PDE6A: variants seen among roughly 807,000 people sequenced by gnomAD.
PDE6A encodes the protein phosphodiesterase 6A.
In PDE6A, 84 loss-of-function variants were observed where a neutral mutation model predicts 106.3. That is an observed-to-expected ratio of 0.79 (90% confidence interval 0.66 to 0.95). The LOEUF (loss-of-function observed/expected upper bound fraction) is 0.95, where lower values mean the gene tolerates loss of function less well. Among genes scored for constraint, PDE6A ranks in the 40% least tolerant of loss-of-function variants. PDE6A has a pLI of 0.00. For synonymous variants in PDE6A, 394 were observed against 386.6 expected, an observed-to-expected ratio of 1.02 and a Z score of -0.23; for missense variants, 1,052 against 1,084.9, an observed-to-expected ratio of 0.97 and a Z score of 0.43.
intron 13 of PDE6A, among the ~76,000 whole-genome samples, chr5:149,894,068 G>A (rs1379162196): frequency 1.3e-5 from 2 of 152,168 alleles, no homozygotes; most frequent in Non-Finnish European, 2.9e-5. Context: ...ATACATTAGA[G>A]GGAAATCTTG....
intron 7 of PDE6A, among the ~76,000 whole-genome samples, chr5:149,906,542 C>T (rs1753197306): frequency 4.5e-5 from 2 of 44,638 alleles, no homozygotes; most frequent in Admixed American, 1.9e-4. Flanking sequence ...AAAAAAATCC[C>T]ACCTTTTAGA....
intron 8 of PDE6A, among the ~76,000 whole-genome samples, chr5:149,903,147 T>TAAAAAAAAAAAAAAAAA (rs373566897): frequency 6.6e-5 from 6 of 90,986 alleles, no homozygotes; most frequent in Non-Finnish European, 1.0e-4. Context: ...AGACCCTCTC[T>TAAAAAAAAAAAAAAAAA]AAAAAAAAAA....
intron 4 of PDE6A, among the ~76,000 whole-genome samples, chr5:149,924,408 AATAG>A (rs966484877): frequency 6.6e-6 from 1 of 150,720 alleles, no homozygotes; most frequent in African/African-American, 2.4e-5. Context: ...AATATTTAGA[AATAG>A]ATATATATAT....
intron 20 of PDE6A, 61 bp downstream of exon 20, chr5:149,866,109 G>T (rs2113502902): frequency 8.3e-7 from 1 of 1,199,682 alleles, no homozygotes; most frequent in Non-Finnish European, 1.2e-6. Flanking sequence ...TCCTGCTGTT[G>T]TCTGGAAATC....
At chr5:149,882,066 A>G in intron 17 of PDE6A, among the ~76,000 whole-genome samples, 1 of 139,808 alleles carries the variant, frequency 7.2e-6, no homozygotes, top group Non-Finnish European at 1.6e-5. Flanking sequence ...AAATAAATAA[A>G]TAAATAAATA....
chr5:149,931,740 C>T (rs560712951), intron 3 of PDE6A, among the ~76,000 whole-genome samples: 28 of 152,308 alleles, frequency 1.8e-4, no homozygotes, highest in Middle Eastern at 3.4e-3. Flanking sequence ...TAAATCAATT[C>T]TCTACAGACT....
intron 6 of PDE6A, among the ~76,000 whole-genome samples, chr5:149,910,444 T>C (rs989889356): frequency 5.9e-5 from 9 of 152,246 alleles, no homozygotes; most frequent in African/African-American, 2.2e-4. Flanking sequence ...TTATCACTTG[T>C]AATTTTTACT....
chr5:149,899,405 G>C lies in PDE6A; in HGVS notation c.1233C>G (p.Pro411=). The C allele has an allele frequency of 1.2e-6, 2 of 1,614,096 alleles. No homozygotes were observed. The highest frequency in any genetic ancestry group is 2.2e-5 in the South Asian group (2 of 91,078). Residue 411 remains proline (P), a synonymous_variant, in exon 9 of 22, where the codon CCC becomes CCG. Transcript: ENST00000255266. ...ATFYNRKDGK[P]FDEMDETLME... ...TGAGCGTCTCATCCATTTCATCAAA[G>C]GGCTTCCCATCTTTACGATTGTAAA...
chr5:149,930,956 C>T (rs1048579533), intron 4 of PDE6A, 72 bp downstream of exon 4: 9 of 1,488,240 alleles, frequency 6.0e-6, no homozygotes, highest in Non-Finnish European at 8.4e-6. Context: ...TGAATGTGTG[C>T]CAAGACTCTA....
At chr5:149,889,643 T>C (rs2113567441) in intron 13 of PDE6A, among the ~76,000 whole-genome samples, 1 of 152,060 alleles carries the variant, frequency 6.6e-6, no homozygotes, top group African/African-American at 2.4e-5. Flanking sequence ...CAGTGGCTCA[T>C]GCCTGTAATC....
intron 6 of PDE6A, among the ~76,000 whole-genome samples, chr5:149,908,735 G>T (rs920586118): frequency 1.3e-5 from 2 of 151,766 alleles, no homozygotes; most frequent in South Asian, 4.2e-4. Context: ...ATATTAATTA[G>T]AACTCAGGCA....
In PDE6A at chr5:149,859,742, G is replaced by C. The variant is rs1394601032; in HGVS notation, c.*1153C>G. 6.6e-6 allele frequency: 1 copy of C among 152,336 alleles called. No individual in the cohort carries two copies. Among genetic ancestry groups the C allele is most frequent in the African/African-American group, 2.4e-5 (1 of 41,452 alleles). The allele number at this position is 152,336 out of a possible 1,614,324, so 9.4% of individuals were successfully genotyped here. ...AAGCTGGTGGGGTCCCAAGTCCTTT[G>C]CTGAAGCTTGGGGTCTGTGCAGCCC... On this transcript the variant is annotated 3_prime_UTR_variant, in exon 22 of 22. Transcript: ENST00000255266.
At position 149,886,995 on chromosome 5, in the gene PDE6A, G is replaced by A. The variant is rs1449173504; in HGVS notation, c.1729-621C>T. On this transcript the variant is annotated intron_variant, in intron 13 of 21. Transcript: ENST00000255266. ...TCAGAATTCCTGCTTCCGGGCCCTA[G>A]CACCTACTCTGGCCTGACCATTTCA... Among the ~76,000 whole-genome samples, 3 of 152,174 alleles carry A rather than the reference G, an allele frequency of 2.0e-5. No individual in the cohort carries two copies. In the East Asian group the frequency reaches 5.8e-4, roughly 29 times the overall value.
rs58749632 is a variant in PDE6A, at chr5:149,903,462, T to A, written c.1113+186A>T. On this transcript the variant is annotated intron_variant, in intron 8 of 21. Coordinates refer to ENST00000255266, the MANE Select transcript of PDE6A (RefSeq NM_000440.3). ...AAAGAGTGTGAATGTTAAAACTGAATAGGACCTTGGAAATTACCCAGTTAA... is the reference window on the plus strand; with the variant it reads ...AAAGAGTGTGAATGTTAAAACTGAAAAGGACCTTGGAAATTACCCAGTTAA... 0.12 allele frequency among the ~76,000 whole-genome samples: 18,855 copies of A among 151,956 alleles called. 1,220 individuals carry two copies. Among genetic ancestry groups the A allele is most frequent in the South Asian group, 0.18 (878 of 4,808 alleles).
chr5:149,861,511 A>G (rs890494814), intron 21 of PDE6A, among the ~76,000 whole-genome samples: 3 of 152,182 alleles, frequency 2.0e-5, no homozygotes, highest in Non-Finnish European at 4.4e-5. Context: ...TTGGCCAGGC[A>G]TGGTTGCATA....
At chr5:149,938,027 T>C (rs539844079) in intron 1 of PDE6A, among the ~76,000 whole-genome samples, 2 of 152,336 alleles carry the variant, frequency 1.3e-5, no homozygotes, top group South Asian at 4.1e-4. Context: ...AGGCATTGTA[T>C]ATGCAAAGAC....
At chr5:149,933,854 G>A (rs1348737339) in intron 3 of PDE6A, 76 bp downstream of exon 3, 1 of 1,054,292 alleles carries the variant, frequency 9.5e-7, no homozygotes, top group Non-Finnish European at 1.5e-6. Context: ...ATTCCCATCT[G>A]CCTGCCAGTC....
intron 1 of PDE6A, among the ~76,000 whole-genome samples, chr5:149,939,180 C>T (rs149655061): frequency 1.1e-3 from 166 of 152,268 alleles, no homozygotes; most frequent in African/African-American, 3.8e-3. Context: ...CCCACAGGCC[C>T]AAGTCACTGG....
chr5:149,915,820 A>G (rs967937132), intron 5 of PDE6A, among the ~76,000 whole-genome samples: 3 of 152,218 alleles, frequency 2.0e-5, no homozygotes, highest in Admixed American at 1.3e-4. Context: ...ACCTGCTGTG[A>G]CTTGAAACCA....
Sources: gnomAD v4.1 joint callset for allele counts (sites outside exome capture counted in the v4.1 genomes callset) on GRCh38, gnomAD v4.1.1 for gene constraint, MANE v1.5 for transcripts, NCBI Gene and HGNC (gene_info 2026-07-23, HGNC 2026-07-21) for gene names.